Variants in SRGAP3 observed in about 807,000 individuals in gnomAD.
The protein encoded by SRGAP3 is SLIT-ROBO Rho GTPase activating protein 3.
Under a neutral mutation model 121.1 loss-of-function variants are expected in SRGAP3, and 39 were observed. The observed-to-expected ratio is 0.32, with a 90% CI of 0.25 to 0.42. The LOEUF is 0.42. Among genes scored for constraint, SRGAP3 ranks in the 10% least tolerant of loss-of-function variants. The pLI is 1.00. For missense variants in SRGAP3, 1,213 were observed against 1,470.6 expected (o/e 0.82, Z 2.86); for synonymous variants, 601 against 570.0 (o/e 1.05, Z -0.77).
At chr3:9,341,135 T>C (rs1955781841) in intron 1 of SRGAP3, among the ~76,000 whole-genome samples, 1 of 152,202 alleles carries the variant, frequency 6.6e-6, no homozygotes, top group Non-Finnish European at 1.5e-5. Flanking sequence ...TAATACCTCA[T>C]ATAACCCTAA....
chr3:9,326,855 G>A (rs902822453), intron 2 of SRGAP3, among the ~76,000 whole-genome samples: 3 of 151,736 alleles, frequency 2.0e-5, no homozygotes, highest in Admixed American at 6.6e-5. Context: ...TCACCAAAAT[G>A]ATAAGTCAAA....
chr3:9,159,162 A>G (rs1575162736), intron 1 of SRGAP3, among the ~76,000 whole-genome samples: 1 of 151,886 alleles, frequency 6.6e-6, no homozygotes, highest in Non-Finnish European at 1.5e-5. Flanking sequence ...AGGTGCTAAC[A>G]CCTGCCTATC....
chr3:9,327,562 T>C (rs1955540233), intron 2 of SRGAP3, among the ~76,000 whole-genome samples: 3 of 152,216 alleles, frequency 2.0e-5, no homozygotes, highest in Admixed American at 2.0e-4. Context: ...TTGGTGAAAA[T>C]CTTGGTAAGT....
intron 2 of SRGAP3, among the ~76,000 whole-genome samples, chr3:9,123,707 A>AATAT (rs368589354): frequency 1.9e-3 from 265 of 137,754 alleles, no homozygotes; most frequent in African/African-American, 5.0e-3. Context: ...TCTGTCTCAA[A>AATAT]ATATATATAT....
At chr3:9,237,474 G>C (rs1486722364) in intron 1 of SRGAP3, among the ~76,000 whole-genome samples, 3 of 152,182 alleles carry the variant, frequency 2.0e-5, no homozygotes, top group Non-Finnish European at 2.9e-5. Flanking sequence ...ATATCATATA[G>C]CTTTTAGTGC....
intron 1 of SRGAP3, among the ~76,000 whole-genome samples, chr3:9,167,760 T>C (rs1487962930): frequency 6.6e-6 from 1 of 152,180 alleles, no homozygotes; most frequent in Non-Finnish European, 1.5e-5. Context: ...CCACTTCAGA[T>C]TGAAAGCAAA....
At chr3:9,141,553 G>GGTGTGTGTGTGT (rs3067669) in intron 1 of SRGAP3, among the ~76,000 whole-genome samples, 55 of 138,462 alleles carry the variant, frequency 4.0e-4, no homozygotes, top group East Asian at 1.5e-3. Context: ...TGACTTCAGG[G>GGTGTGTGTGTGT]GTGTGTGTGT....
Position 9,042,145 on chromosome 3 carries a change from A to T in SRGAP3, c.1409-4055T>A, listed in dbSNP as rs12497300. ...AGAGAGAGAGAAATAAGTGAGATTA[A>T]TTTTCATGACATATTACATTTGACC... On this transcript the variant is annotated intron_variant, in intron 10 of 21. Coordinates refer to ENST00000383836, the MANE Select transcript of SRGAP3 (RefSeq NM_014850.4). 1.8e-3 allele frequency among the ~76,000 whole-genome samples: 276 copies of T among 151,888 alleles called. 1 individual carries two copies. The highest frequency in any genetic ancestry group is 3.4e-3 in the Middle Eastern group (1 of 294).
chr3:8,983,061 G>C lies in SRGAP3; in HGVS notation c.*2458C>G, dbSNP rs1941504225. ...TGTGGCAGATTGCTATATTTTGCCT[G>C]GGAGGCTACTGGATTTAGGATCTGG... On this transcript the variant is annotated 3_prime_UTR_variant, in exon 22 of 22. Transcript: ENST00000383836. 4.4e-6 allele frequency: 1 copy of C among 227,432 alleles called. No homozygotes were observed. Among genetic ancestry groups the C allele is most frequent in the Non-Finnish European group, 8.7e-6 (1 of 114,492 alleles). The allele number at this position is 227,432 out of a possible 1,614,324, so 14.1% of individuals were successfully genotyped here.
chr3:9,353,680 C>T lies in SRGAP3; in HGVS notation n.214+9160G>A, dbSNP rs868300962. Reference sequence around the variant, plus strand: ...TTGTATTTCCCTCTAGTTGTTAACACCTGACAGGACAAAGGTCCTTCGGGT... The same window carrying T: ...TTGTATTTCCCTCTAGTTGTTAACATCTGACAGGACAAAGGTCCTTCGGGT... On this transcript the variant is annotated intron_variant and non_coding_transcript_variant, in intron 1 of 3. Coordinates refer to the SRGAP3 transcript ENST00000490889. Among the ~76,000 whole-genome samples the T allele has an allele frequency of 2.0e-5, 3 of 152,336 alleles. No homozygotes were observed. In the South Asian group the frequency reaches 6.2e-4, roughly 32 times the overall value.
At chr3:9,056,682 A>C (rs907029009) in intron 7 of SRGAP3, among the ~76,000 whole-genome samples, 17 of 152,244 alleles carry the variant, frequency 1.1e-4, no homozygotes, top group Non-Finnish European at 8.8e-5. Context: ...GTGGCAAGAA[A>C]GCAACCACCT....
Position 9,268,784 on chromosome 3 carries a change from G to C in SRGAP3, n.442+57226C>G, listed in dbSNP as rs528592000. Among the ~76,000 whole-genome samples, 3 of 152,282 alleles carry C rather than the reference G, an allele frequency of 2.0e-5. No homozygotes were observed. In the South Asian group the frequency reaches 6.2e-4, roughly 32 times the overall value. On this transcript the variant is annotated intron_variant and non_coding_transcript_variant, in intron 3 of 3. Coordinates refer to the SRGAP3 transcript ENST00000490889. ...CACGACCCGTAAGAACCTCAGCTCT[G>C]ATTGTAAATCAGGTCACACTGGCCC...
At chr3:9,258,088 T>C (rs1574949139) in intron 3 of SRGAP3, among the ~76,000 whole-genome samples, 1 of 152,202 alleles carries the variant, frequency 6.6e-6, no homozygotes, top group East Asian at 1.9e-4. Flanking sequence ...GTTCCTACTG[T>C]TGTGAAGACC....
chr3:9,021,568 A>T (rs1943923828), intron 14 of SRGAP3, among the ~76,000 whole-genome samples: 1 of 152,192 alleles, frequency 6.6e-6, no homozygotes, highest in African/African-American at 2.4e-5. Context: ...AAAAAAGTAG[A>T]TTTAGGAATA....
At chr3:9,053,815 A>T (rs886989272) in intron 8 of SRGAP3, among the ~76,000 whole-genome samples, 3 of 152,172 alleles carry the variant, frequency 2.0e-5, no homozygotes, top group Non-Finnish European at 4.4e-5. Context: ...ATTTCGTGGG[A>T]CCACCAGAAG....
intron 1 of SRGAP3, among the ~76,000 whole-genome samples, chr3:9,229,225 C>T (rs896884319): frequency 1.3e-5 from 2 of 152,174 alleles, no homozygotes; most frequent in East Asian, 1.9e-4. Context: ...CCAGACATTG[C>T]ACTTCTAAGA....
At chr3:9,227,184 C>G (rs1953016443) in intron 1 of SRGAP3, among the ~76,000 whole-genome samples, 1 of 152,192 alleles carries the variant, frequency 6.6e-6, no homozygotes, top group Non-Finnish European at 1.5e-5. Context: ...TTTACATGAA[C>G]TCCCCTGATT....
chr3:9,159,457 TAAC>T (rs934156915), intron 1 of SRGAP3, among the ~76,000 whole-genome samples: 25 of 152,262 alleles, frequency 1.6e-4, no homozygotes, highest in Non-Finnish European at 2.4e-4. Context: ...GTCTTTCACT[TAAC>T]AAATAATCAG....
intron 1 of SRGAP3, among the ~76,000 whole-genome samples, chr3:9,199,488 T>C (rs1369915178): frequency 3.9e-5 from 6 of 152,250 alleles, no homozygotes; most frequent in Non-Finnish European, 8.8e-5. Context: ...TTGTTCACTT[T>C]ATATGACTGC....
Sources: allele counts gnomAD v4.1 joint callset (sites outside exome capture counted in the v4.1 genomes callset), GRCh38; gene constraint gnomAD v4.1.1; transcripts MANE v1.5; gene names NCBI Gene and HGNC (gene_info 2026-07-23, HGNC 2026-07-21).